Variants in CFAP54 observed in about 807,000 individuals in gnomAD.
CFAP54 encodes the protein cilia and flagella associated protein 54.
In CFAP54, 290 loss-of-function variants were observed where a neutral mutation model predicts 370.4. The ratio of observed to expected loss-of-function variants is 0.78; its 90% confidence interval spans 0.71 to 0.86. CFAP54 has a LOEUF of 0.86. Ranked by LOEUF, CFAP54 falls within the 40% of genes least tolerant of loss-of-function variation. The pLI is 0.00. For synonymous variants in CFAP54, 1,206 were observed against 1,236.5 expected, an observed-to-expected ratio of 0.98 and a Z score of 0.52; for missense variants, 3,399 against 3,528.7, an observed-to-expected ratio of 0.96 and a Z score of 0.93.
At chr12:96,604,269 A>G (rs968743575) in intron 26 of CFAP54, among the ~76,000 whole-genome samples, 1 of 152,222 alleles carries the variant, frequency 6.6e-6, no homozygotes, top group Non-Finnish European at 1.5e-5. Flanking sequence ...TTGCCTGGGC[A>G]TCACCAGTGG....
intron 33 of CFAP54, 44 bp downstream of exon 33, chr12:96,644,452 A>C: frequency 7.6e-7 from 1 of 1,324,176 alleles, no homozygotes. Flanking sequence ...AGTTTCATGA[A>C]CATGGATTGT....
At chr12:96,618,430 A>AG (rs1364248338) in intron 26 of CFAP54, among the ~76,000 whole-genome samples, 1 of 152,206 alleles carries the variant, frequency 6.6e-6, no homozygotes, top group Non-Finnish European at 1.5e-5. Flanking sequence ...TAGTCTGGAC[A>AG]GGAGATTCGC....
chr12:96,538,757 C>CTTT, intron 13 of CFAP54: 1 of 349,686 alleles, frequency 2.9e-6, no homozygotes, highest in Non-Finnish European at 5.2e-6. Context: ...TGTTTCAGGC[C>CTTT]TTTTTTTTTT....
At position 96,840,622 on chromosome 12, in the gene CFAP54, CTTTCTTTTT is replaced by C. The variant is rs1959206999; in HGVS notation, c.9171+11538_9171+11546del. ...CAGACTTTCTTTCTTTTCTCTGTTT[CTTTCTTTTT>C]TTTTTTTTTTACAAACCAAGACATG... On this transcript the variant is annotated intron_variant, in intron 66 of 67. Coordinates refer to ENST00000524981, the MANE Select transcript of CFAP54 (RefSeq NM_001306084.2). Among the ~76,000 whole-genome samples, 5 of 67,026 alleles carry C rather than the reference CTTTCTTTTT, an allele frequency of 7.5e-5. No individual in the cohort carries two copies. In the East Asian group the frequency reaches 1.6e-3, roughly 21 times the overall value. The allele number at this position is 67,026 out of a possible 152,430, so 44.0% of individuals were successfully genotyped here.
At chr12:96,709,701 TTTA>T (rs71068827) in intron 48 of CFAP54, among the ~76,000 whole-genome samples, 2,209 of 144,060 alleles carry the variant, frequency 0.015, 34 homozygotes, top group African/African-American at 0.046. Flanking sequence ...TTGATCATGG[TTTA>T]TTATTATTAT....
intron 39 of CFAP54, among the ~76,000 whole-genome samples, chr12:96,666,807 A>G (rs1394995196): frequency 6.6e-5 from 10 of 152,056 alleles, no homozygotes; most frequent in Non-Finnish European, 1.5e-5. Context: ...TTCAAAACCA[A>G]TCATGCCTTC....
intron 39 of CFAP54, among the ~76,000 whole-genome samples, chr12:96,678,486 A>G (rs1957236334): frequency 6.6e-6 from 1 of 152,078 alleles, no homozygotes; most frequent in African/African-American, 2.4e-5. Flanking sequence ...TCCTAACCTC[A>G]AGTGATCCAC....
At chr12:96,605,175 C>A (rs559239532) in intron 26 of CFAP54, among the ~76,000 whole-genome samples, 1 of 152,102 alleles carries the variant, frequency 6.6e-6, no homozygotes, top group Non-Finnish European at 1.5e-5. Flanking sequence ...TTGTTTAAAC[C>A]CTAAAACATT....
chr12:96,571,667 A>G (rs1448460125), intron 19 of CFAP54, among the ~76,000 whole-genome samples: 1 of 152,192 alleles, frequency 6.6e-6, no homozygotes, highest in Non-Finnish European at 1.5e-5. Context: ...GTCCATATTG[A>G]TAACACTTTC....
At chr12:96,722,980 G>A (rs186889232) in intron 50 of CFAP54, among the ~76,000 whole-genome samples, 37 of 152,244 alleles carry the variant, frequency 2.4e-4, no homozygotes, top group Non-Finnish European at 4.4e-4. Flanking sequence ...GATGCCCTTA[G>A]ATGTACAATT....
chr12:96,496,903 A>T (rs1469165774), intron 1 of CFAP54, among the ~76,000 whole-genome samples: 1 of 152,216 alleles, frequency 6.6e-6, no homozygotes, highest in Non-Finnish European at 1.5e-5. Flanking sequence ...ACCATTTTGA[A>T]AATGCTGTTT....
At position 96,720,526 on chromosome 12, in the gene CFAP54, T is replaced by A. The variant is rs371617056; in HGVS notation, c.6926T>A (p.Leu2309Gln). 5.9e-5 allele frequency: 93 copies of A among 1,585,040 alleles called. No individual in the cohort carries two copies. Among genetic ancestry groups the A allele is most frequent in the Admixed American group, 8.8e-5 (5 of 57,066 alleles). ...ATTGTGGTGGAGGCCCGGCTTCAGC[T>A]GGCTGCAGTTGCTCTGCAGAGGCAC... is the stretch of plus-strand genomic sequence containing the variant. ...LEIVVEARLQ[L>Q]AAVALQRHRA... The change falls in exon 50 of 68, where the codon CTG becomes CAG. Residue 2309 changes from leucine to glutamine, a missense_variant. By Grantham distance (113) the Leu-to-Gln change is moderately radical. Around this residue, in one of 3 missense-constraint regions of CFAP54, gnomAD observed 2,796 missense variants for 2,869.7 expected, o/e 0.97. Coordinates refer to ENST00000524981, the MANE Select transcript of CFAP54 (RefSeq NM_001306084.2).
intron 67 of CFAP54, among the ~76,000 whole-genome samples, chr12:96,873,139 G>T (rs1028613862): frequency 2.0e-5 from 3 of 152,264 alleles, no homozygotes; most frequent in African/African-American, 7.2e-5. Context: ...TTGAAAAGTT[G>T]CATGCATCAT....
At chr12:96,677,782 A>G (rs17025708) in intron 39 of CFAP54, among the ~76,000 whole-genome samples, 7,760 of 152,212 alleles carry the variant, frequency 0.051, 540 homozygotes, top group African/African-American at 0.15. Context: ...CAATGCGGCC[A>G]TGTCCCTGGT....
chr12:96,602,088 G>A (rs1239413676), intron 26 of CFAP54, among the ~76,000 whole-genome samples: 3 of 152,024 alleles, frequency 2.0e-5, no homozygotes, highest in Admixed American at 2.0e-4. Context: ...TCTCTTGTGG[G>A]CATTTAGTGC....
chr12:96,615,441 C>G (rs1441548015), intron 26 of CFAP54, among the ~76,000 whole-genome samples: 1 of 152,192 alleles, frequency 6.6e-6, no homozygotes, highest in Non-Finnish European at 1.5e-5. Context: ...CCATTCAGGA[C>G]ATAGGCATGG....
intron 19 of CFAP54, among the ~76,000 whole-genome samples, chr12:96,569,236 T>C (rs1955889437): frequency 6.6e-6 from 1 of 152,158 alleles, no homozygotes; most frequent in South Asian, 2.1e-4. Context: ...CCATTTCCCC[T>C]TCCAAACTCA....
intron 48 of CFAP54, among the ~76,000 whole-genome samples, 170 bp downstream of exon 48, chr12:96,708,973 C>T (rs1003880838): frequency 4.6e-5 from 7 of 152,208 alleles, no homozygotes; most frequent in Non-Finnish European, 8.8e-5. Flanking sequence ...CATACACATA[C>T]GTGTTTATAT....
At chr12:96,743,361 T>G in intron 52 of CFAP54, 41 bp from the exon 53 acceptor site, 1 of 1,603,014 alleles carries the variant, frequency 6.2e-7, no homozygotes, top group Non-Finnish European at 8.5e-7. Flanking sequence ...AACTTCTGAC[T>G]TTCTCAATGC....
Sources: allele counts gnomAD v4.1 joint callset (sites outside exome capture counted in the v4.1 genomes callset), GRCh38; gene constraint gnomAD v4.1.1; regional missense constraint gnomAD v4.1.1; transcripts MANE v1.5; gene names NCBI Gene and HGNC (gene_info 2026-07-23, HGNC 2026-07-21).